Variants in ST6GALNAC2 observed in about 807,000 individuals in gnomAD.
ST6GALNAC2 encodes the protein alpha-N-acetylgalactosaminide alpha-2,6-sialyltransferase 2.
Under a neutral mutation model 38.7 loss-of-function variants are expected in ST6GALNAC2, and 42 were observed. The ratio of observed to expected loss-of-function variants is 1.09; its 90% CI spans 0.85 to 1.40. ST6GALNAC2 has a LOEUF of 1.40. ST6GALNAC2 is among the 40% of genes most tolerant of loss of function. The pLI, the probability that ST6GALNAC2 is intolerant of heterozygous loss-of-function variation, is 0.00. For missense variants in ST6GALNAC2, 506 were observed against 481.7 expected, an observed-to-expected ratio of 1.05 and a Z score of -0.47; for synonymous variants, 233 against 209.0, an observed-to-expected ratio of 1.11 and a Z score of -0.99.
chr17:76,584,958 A>AC (rs928552927), intron 1 of ST6GALNAC2, among the ~76,000 whole-genome samples: 1 of 152,200 alleles, frequency 6.6e-6, no homozygotes, highest in Non-Finnish European at 1.5e-5. Flanking sequence ...AGTCACCGGA[A>AC]CCACCACCTG....
At chr17:76,578,632 C>T (rs1216322324) in intron 2 of ST6GALNAC2, 124 bp downstream of exon 2, 3 of 885,516 alleles carry the variant, frequency 3.4e-6, no homozygotes, top group Admixed American at 4.8e-5. Context: ...TCAGCTGTAA[C>T]TTAGGGCGTT....
intron 2 of ST6GALNAC2, among the ~76,000 whole-genome samples, chr17:76,578,051 C>T (rs966479181): frequency 6.6e-6 from 1 of 152,114 alleles, no homozygotes; most frequent in Non-Finnish European, 1.5e-5. Context: ...TGTATTAATC[C>T]AGAACAACAC....
chr17:76,566,813 GAC>G (rs761463677), intron 8 of ST6GALNAC2, among the ~76,000 whole-genome samples: 1 of 152,162 alleles, frequency 6.6e-6, no homozygotes, highest in Non-Finnish European at 1.5e-5. Flanking sequence ...AAGCCTGGGT[GAC>G]AGAGTTGAGA....
chr17:76,581,498 G>A (rs778958306), intron 1 of ST6GALNAC2, among the ~76,000 whole-genome samples: 18 of 150,372 alleles, frequency 1.2e-4, no homozygotes, highest in East Asian at 4.1e-4. Context: ...AGAGCCTGAC[G>A]GAGGAGCTGC....
At chr17:76,567,639 T>A (rs1469704582) in intron 7 of ST6GALNAC2, 87 bp from the exon 8 acceptor site, 2 of 888,954 alleles carry the variant, frequency 2.2e-6, no homozygotes, top group Non-Finnish European at 3.7e-6. Context: ...GTGGGAAAAC[T>A]TCAAAAACTG....
At chr17:76,578,886 C>G in intron 1 of ST6GALNAC2, 70 bp from the exon 2 acceptor site, 1 of 1,422,866 alleles carries the variant, frequency 7.0e-7, no homozygotes, top group Non-Finnish European at 9.7e-7. Flanking sequence ...TTTGGACTGA[C>G]CGACCCCCTT....
At chr17:76,580,217 G>A (rs1030239205) in intron 1 of ST6GALNAC2, among the ~76,000 whole-genome samples, 14 of 152,136 alleles carry the variant, frequency 9.2e-5, no homozygotes, top group African/African-American at 2.4e-4. Flanking sequence ...TCAGGAGTTC[G>A]AGACCAACCT....
chr17:76,575,986 C>G (rs1003316210), intron 2 of ST6GALNAC2, among the ~76,000 whole-genome samples: 1 of 152,234 alleles, frequency 6.6e-6, no homozygotes, highest in African/African-American at 2.4e-5. Flanking sequence ...GCTCACCCCT[C>G]TAATGCCAGC....
At position 76,577,701 on chromosome 17, in the gene ST6GALNAC2, T is replaced by C. The variant is rs1598258115; in HGVS notation, c.186+1055A>G. ...AGCAATTCTGCCTCAGTCTCCCAAGTAGCTGGGATTACAGGAGCCCGCCAC... is the reference window on the plus strand; with the variant it reads ...AGCAATTCTGCCTCAGTCTCCCAAGCAGCTGGGATTACAGGAGCCCGCCAC... On this transcript the variant is annotated intron_variant, in intron 2 of 8. Transcript: ENST00000225276. Among the ~76,000 whole-genome samples the C allele has an allele frequency of 6.6e-5, 10 of 151,638 alleles. 2 individuals carry two copies. In the Admixed American group the frequency reaches 6.6e-4, roughly 10 times the overall value.
rs1016311266 is a variant in ST6GALNAC2, at chr17:76,573,263, C to T, written c.462G>A (p.Val154=). The T allele has an allele frequency of 1.9e-6, 3 of 1,612,106 alleles. No individual in the cohort carries two copies. The highest frequency in any genetic ancestry group is 1.1e-5 in the South Asian group (1 of 90,614). Reference sequence around the variant, plus strand: ...ACCCATTCAGAATGCCTCCGTTGCCCACCACGGCACACCGGATACACTTTG... The same window carrying T: ...ACCCATTCAGAATGCCTCCGTTGCCTACCACGGCACACCGGATACACTTTG... ...TPPKCIRCAV[V]GNGGILNGSR... is the part of the protein sequence containing the mutation. The change falls in exon 4 of 9, where the codon GTG becomes GTA. Residue 154 remains valine (V), a synonymous_variant. Transcript: ENST00000225276. The surrounding 1 kb of genome is among the most constrained non-coding windows in gnomAD (Gnocchi z 5.1).
chr17:76,573,143 A>C lies in ST6GALNAC2; in HGVS notation c.530+52T>G, dbSNP rs1598251540. Reference sequence around the variant, plus strand: ...CACTGCCCCTGGGGGAGACACCCCCACCCTCCAGGCAACTCTCCCTCCCGC... The same window carrying C: ...CACTGCCCCTGGGGGAGACACCCCCCCCCTCCAGGCAACTCTCCCTCCCGC... On this transcript the variant is annotated intron_variant, in intron 4 of 8. Coordinates refer to ENST00000225276, the MANE Select transcript of ST6GALNAC2 (RefSeq NM_006456.3). This position sits in a 1 kb window ranked among gnomAD's most constrained non-coding sequence, Gnocchi z 5.1. 2.6e-5 allele frequency: 39 copies of C among 1,498,310 alleles called. No individual in the cohort carries two copies. The highest frequency in any genetic ancestry group is 2.1e-4 in the Middle Eastern group (1 of 4,868). The allele number at this position is 1,498,310 out of a possible 1,614,324, so 92.8% of individuals were successfully genotyped here. A position where few individuals can be genotyped will look rare whatever the true frequency, so the allele number is the denominator to read the frequency against.
In ST6GALNAC2 at chr17:76,566,173, A is replaced by G. The variant is rs2075278973; in HGVS notation, c.1056T>C (p.Asp352=). ...TCCACAGGGCAGCTTCCAGGGACAGATCGTGGTTTGCATAAAATATCAATG... is the reference window on the plus strand; with the variant it reads ...TCCACAGGGCAGCTTCCAGGGACAGGTCGTGGTTTGCATAAAATATCAATG... ...MKPLIFYANH[D]LSLEAALWRD... is the part of the protein sequence containing the mutation. Residue 352 remains aspartate, a synonymous_variant, in exon 9 of 9, where the codon GAT becomes GAC. Coordinates refer to ENST00000225276, the MANE Select transcript of ST6GALNAC2 (RefSeq NM_006456.3). 1 of 1,614,152 alleles carries G rather than the reference A, an allele frequency of 6.2e-7. No individual in the cohort carries two copies. The highest frequency in any genetic ancestry group is 8.5e-7 in the Non-Finnish European group (1 of 1,180,034).
rs768727013 is a variant in ST6GALNAC2 at position 76,566,214 on chromosome 17, C to T, written c.1015G>A (p.Glu339Lys). The part of the protein sequence containing the change: ...NYWKFSDHYF[E>K]RKMKPLIFYA... ...AATATCAATGGCTTCATTTTTCGTT[C>T]GAAATAGTGGTCGGAAAATTTCCAG... Residue 339 changes from glutamate to lysine, a missense_variant, in exon 9 of 9, where the codon GAA becomes AAA. Physicochemically the swap from Glu to Lys is moderately conservative, Grantham distance 56. Coordinates refer to ENST00000225276, the MANE Select transcript of ST6GALNAC2 (RefSeq NM_006456.3). 46 of 1,614,022 alleles carry T rather than the reference C, an allele frequency of 2.9e-5. No individual in the cohort carries two copies. In the East Asian group the frequency reaches 5.6e-4, roughly 20 times the overall value.
chr17:76,570,857 G>GAGGTGGC lies in ST6GALNAC2; in HGVS notation c.670-196_670-190dup, dbSNP rs1894809236. On this transcript the variant is annotated intron_variant, in intron 5 of 8. Transcript: ENST00000225276. ...CACAAATCCTCTAATGCTCCTTCAG[G>GAGGTGGC]AGGTGGCACCCAATTGCCATCCCCT... is the stretch of plus-strand genomic sequence containing the variant. 8.7e-6 allele frequency: 5 copies of GAGGTGGC among 572,418 alleles called. No individual in the cohort carries two copies. In the Admixed American group the frequency reaches 1.1e-4, roughly 13 times the overall value. 35.5% of individuals were successfully genotyped at this position (572,418 alleles called of 1,614,324 possible). A position where few individuals can be genotyped will look rare whatever the true frequency, so the allele number is the denominator to read the frequency against.
At chr17:76,580,347 G>A (rs942806941) in intron 1 of ST6GALNAC2, among the ~76,000 whole-genome samples, 2 of 152,102 alleles carry the variant, frequency 1.3e-5, no homozygotes, top group Admixed American at 6.6e-5. Context: ...GAAACCGGAA[G>A]GTGGAGGTTG....
In ST6GALNAC2 at chr17:76,573,169, C is replaced by T; in HGVS notation, c.530+26G>A. 1 of 1,583,726 alleles carries T rather than the reference C, an allele frequency of 6.3e-7. No individual in the cohort carries two copies. Among genetic ancestry groups the T allele is most frequent in the Non-Finnish European group, 8.6e-7 (1 of 1,161,514 alleles). On this transcript the variant is annotated intron_variant, in intron 4 of 8. Transcript: ENST00000225276. This position sits in a 1 kb window ranked among gnomAD's most constrained non-coding sequence, Gnocchi z 5.1. ...CCCTCCAGGCAACTCTCCCTCCCGCCCCTCCCCAGCTCCTACCCCTCATAC... is the reference window on the plus strand; with the variant it reads ...CCCTCCAGGCAACTCTCCCTCCCGCTCCTCCCCAGCTCCTACCCCTCATAC...
At chr17:76,572,476 T>TC (rs1451882148) in intron 5 of ST6GALNAC2, among the ~76,000 whole-genome samples, 161 bp downstream of exon 5, 1 of 151,914 alleles carries the variant, frequency 6.6e-6, no homozygotes, top group Non-Finnish European at 1.5e-5. Flanking sequence ...CGGGACCAGA[T>TC]CCCCCCTCAC....
chr17:76,570,847 G>C, intron 5 of ST6GALNAC2, 179 bp from the exon 6 acceptor site: 1 of 583,720 alleles, frequency 1.7e-6, no homozygotes, highest in Non-Finnish European at 3.1e-6. Context: ...ATCCTCTAAT[G>C]CTCCTTCAGG....
At position 76,573,162 on chromosome 17, in the gene ST6GALNAC2, CT is replaced by C; in HGVS notation, c.530+32del. ...ACCCCCACCCTCCAGGCAACTCTCC[CT>C]CCCGCCCCTCCCCAGCTCCTACCCC... On this transcript the variant is annotated intron_variant, in intron 4 of 8. Transcript: ENST00000225276. This position sits in a 1 kb window ranked among gnomAD's most constrained non-coding sequence, Gnocchi z 5.1. 3.8e-6 allele frequency: 6 copies of C among 1,561,170 alleles called. No individual in the cohort carries two copies. Among genetic ancestry groups the C allele is most frequent in the Non-Finnish European group, 5.2e-6 (6 of 1,145,320 alleles).
Sources: gnomAD v4.1 joint callset for allele counts (sites outside exome capture counted in the v4.1 genomes callset) on GRCh38, gnomAD v4.1.1 for gene constraint, Gnocchi (gnomAD v3.1) non-coding constraint, MANE v1.5 for transcripts, NCBI Gene and HGNC (gene_info 2026-07-23, HGNC 2026-07-21) for gene names.